CDK14: variants seen among roughly 807,000 people sequenced by gnomAD.
CDK14 encodes cyclin-dependent kinase 14.
A neutral mutation model predicts 60.7 loss-of-function variants in CDK14; 34 were observed. That is an observed-to-expected ratio of 0.56 (90% CI 0.43 to 0.75). The LOEUF (loss-of-function observed/expected upper bound fraction) is 0.75, where lower values mean the gene tolerates loss of function less well. CDK14 is among the 30% of genes least tolerant of loss of function. The pLI is 0.00. For synonymous variants in CDK14, 197 were observed against 203.7 expected (o/e 0.97, Z 0.28); for missense variants, 482 against 564.1 (o/e 0.85, Z 1.47).
chr7:90,974,161 C>T (rs372067230), intron 9 of CDK14, among the ~76,000 whole-genome samples: 47 of 152,290 alleles, frequency 3.1e-4, no homozygotes, highest in African/African-American at 1.1e-3. Flanking sequence ...CATCTATAGG[C>T]TTTCTACGAG....
intron 10 of CDK14, among the ~76,000 whole-genome samples, chr7:91,002,630 C>A (rs997474531): frequency 1.3e-5 from 2 of 152,170 alleles, no homozygotes; most frequent in African/African-American, 4.8e-5. Flanking sequence ...TAAAAGCAAA[C>A]AAGACATTGT....
intron 12 of CDK14, among the ~76,000 whole-genome samples, chr7:91,109,273 A>G (rs1461698825): frequency 6.6e-6 from 1 of 152,114 alleles, no homozygotes; most frequent in Admixed American, 6.6e-5. Context: ...TGAAATGGTA[A>G]TGTATATTGA....
chr7:91,129,554 CT>C (rs34922859), intron 14 of CDK14, among the ~76,000 whole-genome samples: 1 of 152,064 alleles, frequency 6.6e-6, no homozygotes, highest in African/African-American at 2.4e-5. Flanking sequence ...GAACTAACTG[CT>C]TTTTTCCAGG....
At chr7:90,744,327 G>A (rs1321900145) in intron 3 of CDK14, among the ~76,000 whole-genome samples, 1 of 152,146 alleles carries the variant, frequency 6.6e-6, no homozygotes, top group African/African-American at 2.4e-5. Context: ...AGGGTTGGGG[G>A]TAAGGTCACA....
intron 12 of CDK14, 64 bp downstream of exon 12, chr7:91,079,544 C>A: frequency 8.6e-7 from 1 of 1,158,870 alleles, no homozygotes; most frequent in Non-Finnish European, 1.3e-6. Flanking sequence ...CAACTCTTCT[C>A]ATACGTTTTT....
intron 6 of CDK14, among the ~76,000 whole-genome samples, chr7:90,886,750 G>A (rs980422852): frequency 6.6e-6 from 1 of 152,116 alleles, no homozygotes; most frequent in Non-Finnish European, 1.5e-5. Context: ...AGTGATGTTT[G>A]CCAAATATAT....
chr7:91,087,152 C>A (rs1463363757), intron 12 of CDK14, among the ~76,000 whole-genome samples: 1 of 152,132 alleles, frequency 6.6e-6, no homozygotes, highest in Non-Finnish European at 1.5e-5. Flanking sequence ...CCACCTTCTA[C>A]TTATTTGATT....
intron 14 of CDK14, among the ~76,000 whole-genome samples, chr7:91,179,120 A>G (rs934354962): frequency 6.6e-6 from 1 of 152,106 alleles, no homozygotes; most frequent in Non-Finnish European, 1.5e-5. Flanking sequence ...TGGAACAATG[A>G]TAGACTGGAT....
At chr7:90,833,563 G>A (rs955909260) in intron 5 of CDK14, among the ~76,000 whole-genome samples, 1 of 152,182 alleles carries the variant, frequency 6.6e-6, no homozygotes, top group Non-Finnish European at 1.5e-5. Flanking sequence ...CAATGCATTG[G>A]AGTTGGTTTT....
chr7:91,011,407 T>G (rs1209373435), intron 10 of CDK14, among the ~76,000 whole-genome samples: 1 of 152,204 alleles, frequency 6.6e-6, no homozygotes, highest in Non-Finnish European at 1.5e-5. Context: ...AGCAATTTAA[T>G]TATAATGCAT....
At chr7:91,107,888 C>T (rs1453532176) in intron 12 of CDK14, 3 of 152,142 alleles carry the variant, frequency 2.0e-5, no homozygotes, top group South Asian at 2.1e-4. Context: ...GTAGGCTTAG[C>T]GAATGATAAG....
chr7:90,801,584 C>T (rs539094989), intron 5 of CDK14, among the ~76,000 whole-genome samples: 1 of 152,226 alleles, frequency 6.6e-6, no homozygotes, highest in South Asian at 2.1e-4. Flanking sequence ...GGTCTACTTC[C>T]ACAATTCTAT....
intron 2 of CDK14, among the ~76,000 whole-genome samples, chr7:90,672,516 T>G (rs1168778357): frequency 7.7e-6 from 1 of 130,310 alleles, no homozygotes; most frequent in Non-Finnish European, 1.6e-5. Context: ...TTTTTTTTTT[T>G]TTTTTTTTTT....
At chr7:90,728,794 GC>G (rs1802736915) in intron 3 of CDK14, among the ~76,000 whole-genome samples, 1 of 152,076 alleles carries the variant, frequency 6.6e-6, no homozygotes, top group South Asian at 2.1e-4. Flanking sequence ...GAAGCTCTGT[GC>G]CTGGGTGGCT....
At chr7:90,914,125 T>G (rs893445867) in intron 7 of CDK14, among the ~76,000 whole-genome samples, 3 of 152,188 alleles carry the variant, frequency 2.0e-5, no homozygotes, top group Admixed American at 6.5e-5. Context: ...TTGCTTGGTC[T>G]TCTTAGTGTT....
At chr7:90,781,668 T>A (rs988771694) in intron 4 of CDK14, among the ~76,000 whole-genome samples, 1 of 151,544 alleles carries the variant, frequency 6.6e-6, no homozygotes, top group Non-Finnish European at 1.5e-5. Context: ...ATGTATTAAA[T>A]AGGGAATCCT....
chr7:90,783,585 A>T (rs1417809545), intron 4 of CDK14, among the ~76,000 whole-genome samples: 1 of 152,010 alleles, frequency 6.6e-6, no homozygotes, highest in East Asian at 1.9e-4. Context: ...ATCCCCCCAA[A>T]CCCCTAAAGA....
intron 8 of CDK14, among the ~76,000 whole-genome samples, chr7:90,929,744 A>G (rs1407219176): frequency 6.6e-6 from 1 of 152,208 alleles, no homozygotes; most frequent in Admixed American, 6.5e-5. Context: ...TAAACAGCTT[A>G]GTGTTTCTGC....
At chr7:90,688,231 G>A (rs143281498) in intron 2 of CDK14, among the ~76,000 whole-genome samples, 79 of 152,244 alleles carry the variant, frequency 5.2e-4, no homozygotes, top group African/African-American at 1.8e-3. Flanking sequence ...GAGATTTCTG[G>A]TGGACACTCA....
Sources: allele counts gnomAD v4.1 joint callset (sites outside exome capture counted in the v4.1 genomes callset), GRCh38; gene constraint gnomAD v4.1.1; transcripts MANE v1.5; gene names NCBI Gene and HGNC (gene_info 2026-07-23, HGNC 2026-07-21).